Variants in KSR1 observed in about 807,000 individuals in gnomAD.
KSR1 encodes kinase suppressor of ras.
A neutral mutation model predicts 92.9 loss-of-function variants in KSR1; 35 were observed. That is an observed-to-expected ratio of 0.38 (90% CI 0.29 to 0.50). KSR1 has a LOEUF of 0.50. KSR1 is among the 20% of genes least tolerant of loss of function. The pLI, the probability that KSR1 is intolerant of heterozygous loss-of-function variation, is 0.94. For missense variants in KSR1, 972 were observed against 1,158.5 expected, an observed-to-expected ratio of 0.84 and a Z score of 2.34; for synonymous variants, 467 against 472.6, an observed-to-expected ratio of 0.99 and a Z score of 0.15.
chr17:27,543,436 G>C (rs1421718366), intron 1 of KSR1, among the ~76,000 whole-genome samples: 5 of 152,198 alleles, frequency 3.3e-5, no homozygotes, highest in Admixed American at 3.3e-4. Context: ...GTAGGGGTGT[G>C]AGGCCTCCAT....
intron 1 of KSR1, among the ~76,000 whole-genome samples, chr17:27,482,528 A>C (rs924261306): frequency 2.6e-5 from 4 of 152,252 alleles, no homozygotes; most frequent in African/African-American, 7.2e-5. Context: ...ATTTGGCCCC[A>C]GGATGTTAAT....
chr17:27,595,882 C>T (rs986351838), intron 9 of KSR1, among the ~76,000 whole-genome samples: 1 of 152,122 alleles, frequency 6.6e-6, no homozygotes. Context: ...GGGATCATGC[C>T]AGGCCCATCT....
At chr17:27,531,939 C>G (rs914239906) in intron 1 of KSR1, among the ~76,000 whole-genome samples, 1 of 152,226 alleles carries the variant, frequency 6.6e-6, no homozygotes, top group African/African-American at 2.4e-5. Flanking sequence ...ACCACTCGCT[C>G]ACAGCAGGTT....
In KSR1 at chr17:27,561,243, G is replaced by A. The variant is rs571705214; in HGVS notation, c.372+10535G>A. ...ATTTTGTCATCTAATATCTTACCCA[G>A]AATAGCACAGTTTTGGGGCTACTGT... On this transcript the variant is annotated intron_variant, in intron 2 of 20. Coordinates refer to ENST00000644974, the MANE Select transcript of KSR1 (RefSeq NM_001394583.1). Among the ~76,000 whole-genome samples, 3 of 152,296 alleles carry A rather than the reference G, an allele frequency of 2.0e-5. No individual in the cohort carries two copies. The South Asian group carries it at 6.2e-4, about 32-fold the overall frequency.
intron 9 of KSR1, among the ~76,000 whole-genome samples, chr17:27,594,214 G>A (rs2073263023): frequency 6.6e-6 from 1 of 152,116 alleles, no homozygotes. Context: ...CATTCACAGG[G>A]TATTTGAAGG....
chr17:27,623,467 GA>G lies in KSR1; in HGVS notation c.*76del, dbSNP rs2074279571. On this transcript the variant is annotated 3_prime_UTR_variant, in exon 21 of 21. Coordinates refer to ENST00000644974, the MANE Select transcript of KSR1 (RefSeq NM_001394583.1). ...TCTGAAACATCCCAACAACCACCAC[GA>G]CAAAAAAACACTGCCTGCCCAGCGC... 1.4e-6 allele frequency: 1 copy of G among 707,456 alleles called. No individual in the cohort carries two copies. The highest frequency in any genetic ancestry group is 2.6e-5 in the East Asian group (1 of 38,130). The allele number at this position is 707,456 out of a possible 1,614,324, so 43.8% of individuals were successfully genotyped here.
At chr17:27,612,129 A>G (rs1308423299) in intron 18 of KSR1, among the ~76,000 whole-genome samples, 5 of 152,322 alleles carry the variant, frequency 3.3e-5, no homozygotes, top group African/African-American at 4.8e-5. Flanking sequence ...TCATTTCTAC[A>G]TGGTTTCTCC....
chr17:27,556,673 T>A (rs2071607496), intron 2 of KSR1, among the ~76,000 whole-genome samples: 1 of 152,156 alleles, frequency 6.6e-6, no homozygotes, highest in South Asian at 2.1e-4. Context: ...CCTAAGAAAT[T>A]GCGTAGGGCC....
chr17:27,602,430 T>C (rs1307091146), intron 11 of KSR1, among the ~76,000 whole-genome samples: 1 of 152,212 alleles, frequency 6.6e-6, no homozygotes, highest in African/African-American at 2.4e-5. Context: ...AAGATATGGC[T>C]CTTCTCCCAG....
intron 1 of KSR1, among the ~76,000 whole-genome samples, chr17:27,526,038 T>TTTTCTTTTCTTTTCTTTTCTTTTC: frequency 1.1e-5 from 1 of 92,564 alleles, no homozygotes; most frequent in African/African-American, 6.0e-5. Context: ...TTTTCTTTTC[T>TTTTCTTTTCTTTTCTTTTCTTTTC]TTTCTTTCTC....
intron 1 of KSR1, among the ~76,000 whole-genome samples, chr17:27,540,448 CTTGT>C (rs1054438466): frequency 3.9e-5 from 6 of 152,190 alleles, no homozygotes; most frequent in Admixed American, 2.6e-4. Context: ...CTGGGTTAGA[CTTGT>C]TTGTTTGTGT....
Position 27,589,469 on chromosome 17 carries a change from C to T in KSR1, c.1046+934C>T, listed in dbSNP as rs568986367. 3.9e-5 allele frequency among the ~76,000 whole-genome samples: 6 copies of T among 152,230 alleles called. No homozygotes were observed. The East Asian group carries it at 1.2e-3, about 29-fold the overall frequency. On this transcript the variant is annotated intron_variant, in intron 6 of 20. Coordinates refer to ENST00000644974, the MANE Select transcript of KSR1 (RefSeq NM_001394583.1). ...CAACTGTGGCACCTTGGGAACATCA[C>T]CTGACCTCTCTGAGTTAGTTTCCTT...
At chr17:27,582,427 C>G (rs964519249) in intron 3 of KSR1, among the ~76,000 whole-genome samples, 1 of 152,118 alleles carries the variant, frequency 6.6e-6, no homozygotes, top group African/African-American at 2.4e-5. Flanking sequence ...GATGCTCAAC[C>G]TGTGGTAGTA....
In KSR1 at chr17:27,500,879, A is replaced by G. The variant is rs2069153462; in HGVS notation, c.231+44005A>G. Among the ~76,000 whole-genome samples the G allele has an allele frequency of 2.0e-5, 3 of 152,148 alleles. No homozygotes were observed. The South Asian group carries it at 6.2e-4, about 31-fold the overall frequency. ...TGCACCAGCCCCTTTACATGGGTTG[A>G]CTCCAAATCCTTGGCTTTATCAGGA... On this transcript the variant is annotated intron_variant, in intron 1 of 20. Transcript: ENST00000644974.
At position 27,624,677 on chromosome 17, in the gene KSR1, A is replaced by G. The variant is rs2074301959; in HGVS notation, c.*1285A>G. 1 of 152,348 alleles carries G rather than the reference A, an allele frequency of 6.6e-6. No homozygotes were observed. The highest frequency in any genetic ancestry group is 2.1e-4 in the South Asian group (1 of 4,830). The allele number at this position is 152,348 out of a possible 1,614,324, so 9.4% of individuals were successfully genotyped here. A position where few individuals can be genotyped will look rare whatever the true frequency, so the allele number is the denominator to read the frequency against. On this transcript the variant is annotated 3_prime_UTR_variant, in exon 21 of 21. Coordinates refer to ENST00000644974, the MANE Select transcript of KSR1 (RefSeq NM_001394583.1). ...AGCCCTTAAGTGGAGATTAGGTTGCATTAGACTCCAAAACCAGAAAGGAAA... is the reference window on the plus strand; with the variant it reads ...AGCCCTTAAGTGGAGATTAGGTTGCGTTAGACTCCAAAACCAGAAAGGAAA...
At chr17:27,601,459 C>A in intron 11 of KSR1, 58 bp downstream of exon 11, 2 of 1,497,660 alleles carry the variant, frequency 1.3e-6, no homozygotes, top group Non-Finnish European at 1.9e-6. Context: ...TCTGTCCTGC[C>A]CACCTGGGCA....
chr17:27,538,709 G>A (rs1319957302), intron 1 of KSR1, among the ~76,000 whole-genome samples: 3 of 152,192 alleles, frequency 2.0e-5, no homozygotes, highest in Non-Finnish European at 2.9e-5. Flanking sequence ...GAGAAGCTGG[G>A]AGCTGATATT....
rs545482858 is a variant in KSR1, at chr17:27,513,207, T to C, written c.232-37361T>C. On this transcript the variant is annotated intron_variant, in intron 1 of 20. Coordinates refer to ENST00000644974, the MANE Select transcript of KSR1 (RefSeq NM_001394583.1). ...GCTGTCATTTGTTCATTTTCATTGC[T>C]GTGTGTTATTCGATTGACTGATTAG... is the stretch of plus-strand genomic sequence containing the variant. Among the ~76,000 whole-genome samples, 7 of 152,336 alleles carry C rather than the reference T, an allele frequency of 4.6e-5. No individual in the cohort carries two copies. In the South Asian group the frequency reaches 1.5e-3, roughly 32 times the overall value.
rs1339859029 is a variant in KSR1, at chr17:27,583,023, C to T, written c.898C>T (p.Leu300=). ...PPPSRKVFQL[L]PSFPTLTRSK... ...ACCCAGCCGCAAGGTCTTCCAGCTG[C>T]TGCCCAGCTTCCCCACACTCACCCG... Residue 300 remains leucine (L), a synonymous_variant, in exon 4 of 21, where the codon CTG becomes TTG. Coordinates refer to ENST00000644974, the MANE Select transcript of KSR1 (RefSeq NM_001394583.1). 2 of 1,609,658 alleles carry T rather than the reference C, an allele frequency of 1.2e-6. No homozygotes were observed. Among genetic ancestry groups the T allele is most frequent in the East Asian group, 2.2e-5 (1 of 44,690 alleles).
Sources: allele counts gnomAD v4.1 joint callset (sites outside exome capture counted in the v4.1 genomes callset), GRCh38; gene constraint gnomAD v4.1.1; transcripts MANE v1.5; gene names NCBI Gene and HGNC (gene_info 2026-07-23, HGNC 2026-07-21).